The following PARD3B variants were observed in gnomAD, a reference collection of about 807,000 sequenced individuals.
PARD3B encodes partitioning defective 3 homolog B.
PARD3B carries 103 observed loss-of-function variants against 130.2 expected under a neutral mutation model. The observed-to-expected ratio is 0.79, with a 90% CI of 0.67 to 0.93. PARD3B has a LOEUF of 0.93. PARD3B is among the 40% of genes least tolerant of loss of function. The probability of loss-of-function intolerance (pLI) is 0.00; values close to 1 mark genes in which losing one functional copy is unlikely to be tolerated. For missense variants in PARD3B, 1,609 were observed against 1,499.2 expected (o/e 1.07, Z -1.21); for synonymous variants, 583 against 553.2 (o/e 1.05, Z -0.76).
intron 20 of PARD3B, among the ~76,000 whole-genome samples, chr2:205,493,056 C>G (rs1253133133): frequency 6.6e-6 from 1 of 152,028 alleles, no homozygotes; most frequent in Non-Finnish European, 1.5e-5. Flanking sequence ...CTGTCTTCAG[C>G]TGAATATTCT....
chr2:205,525,829 T>A lies in PARD3B; in HGVS notation c.3180+25798T>A, dbSNP rs187582545. 1.3e-5 allele frequency among the ~76,000 whole-genome samples: 2 copies of A among 152,324 alleles called. No homozygotes were observed. The highest frequency in any genetic ancestry group is 3.9e-4 in the East Asian group (2 of 5,174). On this transcript the variant is annotated intron_variant, in intron 21 of 22. Coordinates refer to ENST00000406610, the MANE Select transcript of PARD3B (RefSeq NM_001302769.2). This position sits in a 1 kb window ranked among gnomAD's most constrained non-coding sequence, Gnocchi z 4.2. ...AGCCCCTTCGCTACAGCAGATATGA[T>A]TACTTGGATTCTGCCTATGGGTCCA...
intron 3 of PARD3B, among the ~76,000 whole-genome samples, chr2:204,979,522 A>G (rs752182412): frequency 6.6e-6 from 1 of 152,234 alleles, no homozygotes; most frequent in Non-Finnish European, 1.5e-5. Flanking sequence ...ATTCAGGAAT[A>G]TGAATGGACA....
chr2:205,146,812 T>A lies in PARD3B; in HGVS notation c.1435-11910T>A, dbSNP rs1328253259. 6.6e-6 allele frequency among the ~76,000 whole-genome samples: 1 copy of A among 151,712 alleles called. No individual in the cohort carries two copies. The highest frequency in any genetic ancestry group is 1.5e-5 in the Non-Finnish European group (1 of 67,926). ...GAGCGATCTCAGCTCAGTGCATCCT[T>A]CGCCTCCCGGGTTGGAGCGATTCTC... On this transcript the variant is annotated intron_variant, in intron 10 of 22. Coordinates refer to ENST00000406610, the MANE Select transcript of PARD3B (RefSeq NM_001302769.2). This position sits in a 1 kb window ranked among gnomAD's most constrained non-coding sequence, Gnocchi z 4.3.
intron 18 of PARD3B, among the ~76,000 whole-genome samples, chr2:205,400,342 C>T (rs556263152): frequency 2.4e-4 from 36 of 152,064 alleles, no homozygotes; most frequent in Admixed American, 5.9e-4. Context: ...GAGGACCTGA[C>T]GTACACATTT....
intron 1 of PARD3B, among the ~76,000 whole-genome samples, chr2:204,682,280 T>TA (rs1035185081): frequency 1.1e-4 from 16 of 151,682 alleles, no homozygotes; most frequent in East Asian, 3.9e-4. Flanking sequence ...TTTCTGTGTT[T>TA]AAAAAAAAAT....
chr2:205,349,805 T>TTA (rs1386536125), intron 18 of PARD3B, among the ~76,000 whole-genome samples: 1 of 146,812 alleles, frequency 6.8e-6, no homozygotes, highest in Non-Finnish European at 1.5e-5. Context: ...TTTCTCTTTT[T>TTA]TTTTTTTTTT....
At chr2:204,871,053 A>T (rs1478803301) in intron 2 of PARD3B, among the ~76,000 whole-genome samples, 1 of 152,158 alleles carries the variant, frequency 6.6e-6, no homozygotes, top group Non-Finnish European at 1.5e-5. Context: ...TACATATATC[A>T]TATATTGGGA....
chr2:204,990,045 G>T (rs1207886314), intron 3 of PARD3B, among the ~76,000 whole-genome samples: 2 of 151,966 alleles, frequency 1.3e-5, no homozygotes. Flanking sequence ...ACTACTAAAT[G>T]TAAAATAGAA....
rs149502400 is a variant in PARD3B at position 205,136,452 on chromosome 2, G to A, written c.1434+10715G>A. On this transcript the variant is annotated intron_variant, in intron 10 of 22. Transcript: ENST00000406610. ...TAGAATAGAGAAAGATATCAGCTCT[G>A]AGAACAGCAAAGCTGCCTATGCTAT... Among the ~76,000 whole-genome samples, 21 of 152,302 alleles carry A rather than the reference G, an allele frequency of 1.4e-4. No homozygotes were observed. The East Asian group carries it at 4.0e-3, about 29-fold the overall frequency.
At chr2:205,594,968 G>A (rs534291891) in intron 22 of PARD3B, among the ~76,000 whole-genome samples, 16 of 152,210 alleles carry the variant, frequency 1.1e-4, no homozygotes, top group African/African-American at 2.9e-4. Context: ...GTGTGACTTC[G>A]AACTCAGAAA....
Position 204,558,801 on chromosome 2 carries a change from G to C in PARD3B, c.120+12682G>C, listed in dbSNP as rs565295287. On this transcript the variant is annotated intron_variant, in intron 1 of 22. Transcript: ENST00000406610. The stretch of plus-strand genomic sequence containing the variant: ...ACCTGACTTCAAACTATACTACAAG[G>C]CTACAGTAACCAAAACAGTATGGTA... Among the ~76,000 whole-genome samples the C allele has an allele frequency of 2.6e-5, 4 of 152,196 alleles. No homozygotes were observed. The East Asian group carries it at 5.8e-4, about 22-fold the overall frequency.
At chr2:205,174,373 T>C (rs1246463481) in intron 12 of PARD3B, among the ~76,000 whole-genome samples, 3 of 152,206 alleles carry the variant, frequency 2.0e-5, no homozygotes, top group African/African-American at 7.2e-5. Context: ...TTTACATGCT[T>C]TCCATGGGGA....
intron 3 of PARD3B, among the ~76,000 whole-genome samples, chr2:205,026,560 G>T (rs1397486): frequency 6.6e-6 from 1 of 152,026 alleles, no homozygotes; most frequent in Non-Finnish European, 1.5e-5. Context: ...AAAATCTTCT[G>T]TCATCAAATT....
chr2:204,969,171 C>T (rs953759753), intron 3 of PARD3B, among the ~76,000 whole-genome samples: 2 of 152,188 alleles, frequency 1.3e-5, no homozygotes, highest in Non-Finnish European at 2.9e-5. Context: ...TTCACATGAT[C>T]TATTTGGACT....
At chr2:205,362,771 G>A (rs956553735) in intron 18 of PARD3B, among the ~76,000 whole-genome samples, 12 of 152,302 alleles carry the variant, frequency 7.9e-5, no homozygotes, top group African/African-American at 1.2e-4. Flanking sequence ...AAAATGAAGG[G>A]CAGAGGCAGA....
rs144993425 is a variant in PARD3B at position 205,070,497 on chromosome 2, C to T, written c.504+22807C>T. On this transcript the variant is annotated intron_variant, in intron 4 of 22. Coordinates refer to ENST00000406610, the MANE Select transcript of PARD3B (RefSeq NM_001302769.2). ...ATTTTGCATGAATTTAATTGCTTCC[C>T]TGTAAAGTTGTTTGAATTGTTCCTC... Among the ~76,000 whole-genome samples, 730 of 152,108 alleles carry T rather than the reference C, an allele frequency of 4.8e-3. 7 individuals carry two copies. Among genetic ancestry groups the T allele is most frequent in the African/African-American group, 0.017 (699 of 41,508 alleles).
At chr2:205,260,423 T>TAA in intron 16 of PARD3B, among the ~76,000 whole-genome samples, 1 of 152,106 alleles carries the variant, frequency 6.6e-6, no homozygotes, top group East Asian at 1.9e-4. Flanking sequence ...CTAGCTCCAG[T>TAA]TTAGTGTCTA....
In PARD3B at chr2:205,100,107, A is replaced by G. The variant is rs374457493; in HGVS notation, c.505-4319A>G. 2.9e-4 allele frequency among the ~76,000 whole-genome samples: 44 copies of G among 152,274 alleles called. 1 individual carries two copies. The highest frequency in any genetic ancestry group is 3.4e-3 in the Middle Eastern group (1 of 294). On this transcript the variant is annotated intron_variant, in intron 4 of 22. Transcript: ENST00000406610. The stretch of plus-strand genomic sequence containing the variant: ...GATATGAATAGAATCTTTACTTGCT[A>G]TCTAACTGGAACTAGATGAAAAATT...
At chr2:205,535,239 G>T (rs112538538) in intron 21 of PARD3B, among the ~76,000 whole-genome samples, 1 of 152,112 alleles carries the variant, frequency 6.6e-6, no homozygotes, top group African/African-American at 2.4e-5. Flanking sequence ...ATCTAAGCCC[G>T]GTCTTTCCTT....
Sources: gnomAD v4.1 joint callset for allele counts (sites outside exome capture counted in the v4.1 genomes callset) on GRCh38, gnomAD v4.1.1 for gene constraint, Gnocchi (gnomAD v3.1) non-coding constraint, MANE v1.5 for transcripts, NCBI Gene and HGNC (gene_info 2026-07-23, HGNC 2026-07-21) for gene names.